The following OR9K2 variants were observed in gnomAD, a reference collection of about 807,000 sequenced individuals.
The protein encoded by OR9K2 is olfactory receptor 9K2.
Under a neutral mutation model 12.4 loss-of-function variants are expected in OR9K2, and 16 were observed. That is an observed-to-expected ratio of 1.29 (90% CI 0.87 to 1.95). The LOEUF (loss-of-function observed/expected upper bound fraction) is 1.95. Among genes scored for constraint, OR9K2 ranks in the 30% most tolerant of loss-of-function variants. The pLI is 0.00. For synonymous variants in OR9K2, 133 were observed against 133.2 expected (o/e 1.00, Z 0.01); for missense variants, 434 against 376.5 (o/e 1.15, Z -1.26).
Position 55,131,271 on chromosome 12 carries a change from A to G in OR9K2, c.*495A>G, listed in dbSNP as rs1050356926. On this transcript the variant is annotated 3_prime_UTR_variant, in exon 3 of 3. Transcript: ENST00000641329. ...TCAGTTTTCACCTTATGTGTGCTAG[A>G]TAGGAAGTACTAATAATAAGAAACA... 1 of 152,886 alleles carries G rather than the reference A, an allele frequency of 6.5e-6. No homozygotes were observed. The highest frequency in any genetic ancestry group is 1.5e-5 in the Non-Finnish European group (1 of 68,600). The allele number at this position is 152,886 out of a possible 1,614,324, so 9.5% of individuals were successfully genotyped here.
Position 55,126,829 on chromosome 12 carries a change from A to G in OR9K2, c.-92A>G, listed in dbSNP as rs1953432061. Reference sequence around the variant, plus strand: ...TAACTTTATGTTTATCCTTTCTAGAATTAAAACAATAAACAGAGGAAAACA... The same window carrying G: ...TAACTTTATGTTTATCCTTTCTAGAGTTAAAACAATAAACAGAGGAAAACA... On this transcript the variant is annotated splice_region_variant and 5_prime_UTR_variant, in exon 2 of 3. Coordinates refer to ENST00000641329, the MANE Select transcript of OR9K2 (RefSeq NM_001005243.2). 1 of 152,066 alleles carries G rather than the reference A, an allele frequency of 6.6e-6. No homozygotes were observed. Among genetic ancestry groups the G allele is most frequent in the African/African-American group, 2.4e-5 (1 of 41,430 alleles). The allele number at this position is 152,066 out of a possible 1,614,324, so 9.4% of individuals were successfully genotyped here.
At chr12:55,127,047 G>A (rs1315481107) in intron 2 of OR9K2, 136 bp downstream of exon 2, 1 of 151,864 alleles carries the variant, frequency 6.6e-6, no homozygotes, top group South Asian at 2.1e-4. Flanking sequence ...CATTTATAAT[G>A]TTACAATGTT....
In OR9K2 at chr12:55,130,686, C is replaced by T. The variant is rs1158657879; in HGVS notation, c.852C>T (p.Pro284=). The T allele has an allele frequency of 6.2e-7, 1 of 1,611,572 alleles. No homozygotes were observed. The part of the protein sequence containing the change: ...VASLCYSLVT[P]MLNPLIYSLR... The stretch of plus-strand genomic sequence containing the variant: ...CCTTATGTTACTCCCTAGTCACTCC[C>T]ATGTTGAATCCTTTGATTTACTCTC... The change falls in exon 3 of 3, where the codon CCC becomes CCT. Residue 284 remains proline (P), a synonymous_variant. Coordinates refer to ENST00000641329, the MANE Select transcript of OR9K2 (RefSeq NM_001005243.2).
chr12:55,130,918 TA>T lies in OR9K2; in HGVS notation c.*143del. The T allele has an allele frequency of 1.7e-6, 1 of 575,482 alleles. No homozygotes were observed. Among genetic ancestry groups the T allele is most frequent in the South Asian group, 2.5e-5 (1 of 40,436 alleles). The allele number at this position is 575,482 out of a possible 1,614,324, so 35.6% of individuals were successfully genotyped here. A position where few individuals can be genotyped will look rare whatever the true frequency, so the allele number is the denominator to read the frequency against. ...GTGCTCTTTCCATATTTTACTTTTT[TA>T]CCTCCCAAGACATCATTAATTCTGA... On this transcript the variant is annotated 3_prime_UTR_variant, in exon 3 of 3. Transcript: ENST00000641329.
Position 55,130,118 on chromosome 12 carries a change from T to C in OR9K2, c.284T>C (p.Ile95Thr), listed in dbSNP as rs1394067290. 6.2e-7 allele frequency: 1 copy of C among 1,613,716 alleles called. No homozygotes were observed. The highest frequency in any genetic ancestry group is 8.5e-7 in the Non-Finnish European group (1 of 1,179,988). Reference protein sequence around the residue: ...MINFWSENKSISFAGCVAQLF... With the variant: ...MINFWSENKSTSFAGCVAQLF... The stretch of plus-strand genomic sequence containing the variant: ...AACTTCTGGTCTGAAAACAAGTCTA[T>C]CTCCTTTGCAGGCTGTGTGGCCCAG... The change falls in exon 3 of 3, where the codon ATC becomes ACC. Residue 95 changes from isoleucine (I) to threonine (T), a missense_variant. Physicochemically the swap from Ile to Thr is moderately conservative, Grantham distance 89. Transcript: ENST00000641329.
In OR9K2 at chr12:55,129,883, C is replaced by A. The variant is rs955798565; in HGVS notation, c.49C>A (p.Leu17Ile). 6.2e-7 allele frequency: 1 copy of A among 1,614,002 alleles called. No individual in the cohort carries two copies. The highest frequency in any genetic ancestry group is 1.7e-5 in the Admixed American group (1 of 59,998). ...SNHSEMTDFILAGFRVRPELH... is the reference protein window; with the variant it reads ...SNHSEMTDFIIAGFRVRPELH... The stretch of plus-strand genomic sequence containing the variant: ...TCACTCAGAAATGACTGACTTCATT[C>A]TTGCAGGCTTCAGGGTACGCCCAGA... Residue 17 changes from leucine (L) to isoleucine (I), a missense_variant, in exon 3 of 3, where the codon CTT becomes ATT. By Grantham distance (5) the Leu-to-Ile change is conservative. Coordinates refer to ENST00000641329, the MANE Select transcript of OR9K2 (RefSeq NM_001005243.2).
chr12:55,128,727 C>T (rs903140097), intron 2 of OR9K2, among the ~76,000 whole-genome samples: 2 of 151,952 alleles, frequency 1.3e-5, no homozygotes, highest in African/African-American at 4.8e-5. Flanking sequence ...GTATTGTTAA[C>T]ATACGAAGTT....
rs748250309 is a variant in OR9K2, at chr12:55,130,357, C to T, written c.523C>T (p.Arg175Trp). ...ATTTACTTTATCTTTTTGCGCTTCT[C>T]GGGCTGTTGACCACTTTTACTGTGA... ...MTFTLSFCAS[R>W]AVDHFYCDSR... The change falls in exon 3 of 3, where the codon CGG becomes TGG. Residue 175 changes from arginine (R) to tryptophan (W), a missense_variant. Physicochemically the swap from Arg to Trp is moderately radical, Grantham distance 101. Coordinates refer to ENST00000641329, the MANE Select transcript of OR9K2 (RefSeq NM_001005243.2). 87 of 1,613,856 alleles carry T rather than the reference C, an allele frequency of 5.4e-5. No homozygotes were observed. In the Admixed American group the frequency reaches 1.2e-3, roughly 23 times the overall value.
intron 1 of OR9K2, 44 bp from the exon 2 acceptor site, chr12:55,126,784 T>C (rs996272687): frequency 9.2e-5 from 14 of 152,262 alleles, no homozygotes; most frequent in African/African-American, 3.4e-4. Flanking sequence ...TCAGTATTTA[T>C]AATTATGACA....
At chr12:55,127,557 T>C (rs1157123602) in intron 2 of OR9K2, among the ~76,000 whole-genome samples, 1 of 152,090 alleles carries the variant, frequency 6.6e-6, no homozygotes, top group East Asian at 1.9e-4. Flanking sequence ...TTTCAACATT[T>C]AATACAGTCT....
rs7305779 is a variant in OR9K2, at chr12:55,130,076, A to T, written c.242A>T (p.Glu81Val). 6.2e-7 allele frequency: 1 copy of T among 1,612,280 alleles called. No individual in the cohort carries two copies. Among genetic ancestry groups the T allele is most frequent in the South Asian group, 1.1e-5 (1 of 91,066 alleles). The change falls in exon 3 of 3, where the codon GAA becomes GTA. Residue 81 changes from glutamate (E) to valine (V), a missense_variant. Transcript: ENST00000641329. Reference protein sequence around the residue: ...FIDLFYSSVIEPKAMINFWSE... With the variant: ...FIDLFYSSVIVPKAMINFWSE... ...GATCTTTTCTATTCATCTGTTATTG[A>T]ACCCAAGGCTATGATCAACTTCTGG...
chr12:55,128,218 T>C (rs1319169590), intron 2 of OR9K2, among the ~76,000 whole-genome samples: 2 of 151,792 alleles, frequency 1.3e-5, no homozygotes, highest in Non-Finnish European at 2.9e-5. Context: ...ATAATTAATA[T>C]GTAACCTCAA....
Position 55,130,060 on chromosome 12 carries a change from T to C in OR9K2, c.226T>C (p.Tyr76His). Residue 76 changes from tyrosine (Y) to histidine (H), a missense_variant, in exon 3 of 3, where the codon TAT (tyrosine) becomes CAT (histidine). Tyr to His is a moderately conservative substitution (Grantham distance 83, BLOSUM62 2). Coordinates refer to ENST00000641329, the MANE Select transcript of OR9K2 (RefSeq NM_001005243.2). The part of the protein sequence containing the change: ...LGNLSFIDLF[Y>H]SSVIEPKAMI... ...CAATCTCTCCTTCATTGATCTTTTC[T>C]ATTCATCTGTTATTGAACCCAAGGC... The C allele has an allele frequency of 6.2e-7, 1 of 1,612,684 alleles. No individual in the cohort carries two copies. The highest frequency in any genetic ancestry group is 8.5e-7 in the Non-Finnish European group (1 of 1,179,972).
intron 2 of OR9K2, among the ~76,000 whole-genome samples, chr12:55,128,215 A>T (rs1046801473): frequency 6.6e-6 from 1 of 151,834 alleles, no homozygotes; most frequent in Admixed American, 6.6e-5. Context: ...AGAATAATTA[A>T]TATGTAACCT....
rs1458069293 is a variant in OR9K2, at chr12:55,132,488, G to C, written c.*1712G>C. On this transcript the variant is annotated 3_prime_UTR_variant, in exon 3 of 3. Transcript: ENST00000641329. Reference sequence around the variant, plus strand: ...TGCATGTGCACAGAACATCAGTCATGTGAAGAATCAACAAGAGGGCAGCCA... The same window carrying C: ...TGCATGTGCACAGAACATCAGTCATCTGAAGAATCAACAAGAGGGCAGCCA... The C allele has an allele frequency of 1.3e-5, 2 of 152,240 alleles. No individual in the cohort carries two copies. Among genetic ancestry groups the C allele is most frequent in the African/African-American group, 2.4e-5 (1 of 41,468 alleles). 9.4% of individuals were successfully genotyped at this position (152,240 alleles called of 1,614,324 possible).
rs1459119512 is a variant in OR9K2, at chr12:55,129,818, C to G, written c.-9-8C>G. The G allele has an allele frequency of 3.7e-6, 6 of 1,612,892 alleles. No individual in the cohort carries two copies. Among genetic ancestry groups the G allele is most frequent in the African/African-American group, 1.3e-5 (1 of 74,990 alleles). ...CATTTGTATATTTTGCCCTGTGCCT[C>G]TCAACAGGTTTCTACCATGGGTGAC... On this transcript the variant is annotated splice_polypyrimidine_tract_variant and splice_region_variant and intron_variant, in intron 2 of 2. Transcript: ENST00000641329.
At position 55,129,850 on chromosome 12, in the gene OR9K2, A is replaced by G. The variant is rs2136278564; in HGVS notation, c.16A>G (p.Thr6Ala). ...GGTTTCTACCATGGGTGACAGGGGA[A>G]CAAGCAATCACTCAGAAATGACTGA... The part of the protein sequence containing the change: MGDRG[T>A]SNHSEMTDFI... The change falls in exon 3 of 3, where the codon ACA (threonine) becomes GCA (alanine). Residue 6 changes from threonine (T) to alanine (A), a missense_variant. Coordinates refer to ENST00000641329, the MANE Select transcript of OR9K2 (RefSeq NM_001005243.2). The G allele has an allele frequency of 1.2e-6, 2 of 1,613,682 alleles. No individual in the cohort carries two copies. Among genetic ancestry groups the G allele is most frequent in the African/African-American group, 2.7e-5 (2 of 75,010 alleles).
At position 55,130,552 on chromosome 12, in the gene OR9K2, G is replaced by A; in HGVS notation, c.718G>A (p.Ala240Thr). The A allele has an allele frequency of 6.2e-7, 1 of 1,613,702 alleles. No individual in the cohort carries two copies. The highest frequency in any genetic ancestry group is 8.5e-7 in the Non-Finnish European group (1 of 1,179,774). The change falls in exon 3 of 3, where the codon GCC becomes ACC. Residue 240 changes from alanine (A) to threonine (T), a missense_variant. By Grantham distance (58) the Ala-to-Thr change is moderately conservative (BLOSUM62 0). Transcript: ENST00000641329. ...ACATTCTACTGAGGGACATAAGAAG[G>A]CCTTCTCCACCTGCAGCTCTCACCT... ...KIHSTEGHKK[A>T]FSTCSSHLGV...
In OR9K2 at chr12:55,126,831, TAAAAC is replaced by T. The variant is rs1484548462; in HGVS notation, c.-87_-83del. 1 of 152,060 alleles carries T rather than the reference TAAAAC, an allele frequency of 6.6e-6. No homozygotes were observed. Among genetic ancestry groups the T allele is most frequent in the Non-Finnish European group, 1.5e-5 (1 of 67,970 alleles). 9.4% of individuals were successfully genotyped at this position (152,060 alleles called of 1,614,324 possible). ...ACTTTATGTTTATCCTTTCTAGAAT[TAAAAC>T]AATAAACAGAGGAAAACATTGGAAC... On this transcript the variant is annotated 5_prime_UTR_variant, in exon 2 of 3. Transcript: ENST00000641329.
Sources: allele counts gnomAD v4.1 joint callset (sites outside exome capture counted in the v4.1 genomes callset), GRCh38; gene constraint gnomAD v4.1.1; transcripts MANE v1.5; gene names NCBI Gene and HGNC (gene_info 2026-07-23, HGNC 2026-07-21).